The following CDC5L variants were observed in gnomAD, a reference collection of about 807,000 sequenced individuals.
The protein encoded by CDC5L is cell division cycle 5-like protein.
CDC5L carries 18 observed loss-of-function variants against 104.1 expected under a neutral mutation model. The ratio of observed to expected loss-of-function variants is 0.17; its 90% CI spans 0.12 to 0.26. The LOEUF (loss-of-function observed/expected upper bound fraction) is 0.26. Ranked by LOEUF, CDC5L falls within the 10% of genes least tolerant of loss-of-function variation. The pLI is 1.00. For missense variants in CDC5L, 673 were observed against 956.9 expected (o/e 0.70, Z 3.91); for synonymous variants, 331 against 322.7 (o/e 1.03, Z -0.28).
intron 8 of CDC5L, among the ~76,000 whole-genome samples, chr6:44,411,353 G>T (rs1357029027): frequency 1.3e-5 from 2 of 152,018 alleles, no homozygotes; most frequent in Non-Finnish European, 2.9e-5. Context: ...TTTTGCTTAG[G>T]TTAGTCATAT....
chr6:44,446,268 A>T (rs1407850168), intron 15 of CDC5L, among the ~76,000 whole-genome samples: 1 of 152,176 alleles, frequency 6.6e-6, no homozygotes, highest in Non-Finnish European at 1.5e-5. Flanking sequence ...TCAAATTCCT[A>T]TGACCAGGTT....
At chr6:44,403,391 A>C (rs1208135260) in intron 5 of CDC5L, among the ~76,000 whole-genome samples, 1 of 150,796 alleles carries the variant, frequency 6.6e-6, no homozygotes, top group African/African-American at 2.4e-5. Flanking sequence ...AGTTGCAAAT[A>C]TTTTTTCCTA....
intron 13 of CDC5L, among the ~76,000 whole-genome samples, chr6:44,428,250 T>C (rs547281151): frequency 6.6e-6 from 1 of 152,352 alleles, no homozygotes; most frequent in Admixed American, 6.5e-5. Flanking sequence ...TTGTTTCCAT[T>C]ATTTCCCTTA....
At chr6:44,438,197 C>G (rs1025589342) in intron 14 of CDC5L, among the ~76,000 whole-genome samples, 10 of 152,184 alleles carry the variant, frequency 6.6e-5, no homozygotes, top group African/African-American at 2.4e-4. Context: ...ATCCACCTGC[C>G]TTGGCCTCCC....
chr6:44,419,108 C>T (rs1162580932), intron 8 of CDC5L, among the ~76,000 whole-genome samples: 1 of 151,906 alleles, frequency 6.6e-6, no homozygotes, highest in Non-Finnish European at 1.5e-5. Flanking sequence ...CCTAGGTTTT[C>T]TTCTAGGGTT....
chr6:44,434,241 G>A (rs1301835560), intron 14 of CDC5L, among the ~76,000 whole-genome samples: 1 of 152,180 alleles, frequency 6.6e-6, no homozygotes, highest in Non-Finnish European at 1.5e-5. Context: ...GTATGCAGAT[G>A]TACAGTGCTC....
intron 8 of CDC5L, among the ~76,000 whole-genome samples, chr6:44,418,299 A>C (rs1263473518): frequency 3.3e-5 from 5 of 152,088 alleles, no homozygotes; most frequent in Non-Finnish European, 7.3e-5. Flanking sequence ...TTCCAATTTC[A>C]TCCATGTCCC....
Position 44,403,822 on chromosome 6 carries a change from C to G in CDC5L, c.553C>G (p.Leu185Val). Residue 185 changes from leucine to valine, a missense_variant, in exon 6 of 16, where the codon CTC becomes GTC. Physicochemically the swap from Leu to Val is conservative, Grantham distance 32. Coordinates refer to ENST00000371477, the MANE Select transcript of CDC5L (RefSeq NM_001253.4). The stretch of plus-strand genomic sequence containing the variant: ...CATTCTTTTCAGACGTCTTGCTGCC[C>G]TCCAAAAAAGAAGAGAACTTCGAGC... The part of the protein sequence containing the change: ...QLEEARRLAA[L>V]QKRRELRAAG... 1 of 1,606,320 alleles carries G rather than the reference C, an allele frequency of 6.2e-7. No individual in the cohort carries two copies. Among genetic ancestry groups the G allele is most frequent in the Non-Finnish European group, 8.5e-7 (1 of 1,177,934 alleles).
chr6:44,409,481 T>C (rs188863781), intron 8 of CDC5L, among the ~76,000 whole-genome samples: 1 of 152,370 alleles, frequency 6.6e-6, no homozygotes, highest in East Asian at 1.9e-4. Context: ...AATTACCTTA[T>C]AATTTGTGTA....
At chr6:44,416,293 A>G (rs1296310667) in intron 8 of CDC5L, among the ~76,000 whole-genome samples, 5 of 152,198 alleles carry the variant, frequency 3.3e-5, no homozygotes, top group African/African-American at 7.2e-5. Flanking sequence ...GGAGTGAGTC[A>G]TAGCTTACAG....
chr6:44,427,589 A>G (rs1367715107), intron 13 of CDC5L, among the ~76,000 whole-genome samples: 1 of 152,198 alleles, frequency 6.6e-6, no homozygotes, highest in African/African-American at 2.4e-5. Context: ...ATTATTTATT[A>G]TAGGATTTTT....
At chr6:44,401,595 G>A (rs1791127830) in intron 5 of CDC5L, among the ~76,000 whole-genome samples, 1 of 152,004 alleles carries the variant, frequency 6.6e-6, no homozygotes, top group African/African-American at 2.4e-5. Flanking sequence ...GAGCTGGGGG[G>A]AAGGAGGGAG....
chr6:44,421,473 C>T (rs1792168410), intron 9 of CDC5L, among the ~76,000 whole-genome samples: 1 of 152,216 alleles, frequency 6.6e-6, no homozygotes, highest in South Asian at 2.1e-4. Context: ...GGCTATTACA[C>T]ATATCATGAC....
In CDC5L at chr6:44,445,748, A is replaced by T; in HGVS notation, c.2185A>T (p.Met729Leu). 6.2e-7 allele frequency: 1 copy of T among 1,614,106 alleles called. No individual in the cohort carries two copies. Residue 729 changes from methionine to leucine, a missense_variant, in exon 15 of 16, where the codon ATG becomes TTG. Physicochemically the swap from Met to Leu is conservative, Grantham distance 15. Around this residue, in one of 4 missense-constraint regions of CDC5L, gnomAD observed 578 missense variants for 737.0 expected, o/e 0.78. Coordinates refer to ENST00000371477, the MANE Select transcript of CDC5L (RefSeq NM_001253.4). ...ILLGGYQSRAMGLMKQLNDLW... is the reference protein window; with the variant it reads ...ILLGGYQSRALGLMKQLNDLW... ...GCTTGGGGGTTACCAGTCTCGTGCT[A>T]TGGGGCTCATGAAACAGTTGAATGA...
In CDC5L at chr6:44,387,923, C is replaced by T. The variant is rs981525522; in HGVS notation, c.45+55C>T. 4.6e-6 allele frequency: 7 copies of T among 1,526,358 alleles called. No individual in the cohort carries two copies. In the East Asian group the frequency reaches 1.3e-4, roughly 27 times the overall value. The allele number at this position is 1,526,358 out of a possible 1,614,324, so 94.6% of individuals were successfully genotyped here. The stretch of plus-strand genomic sequence containing the variant: ...CCGCCGCTCCCTCTAGCAGCTTGTG[C>T]GCACGCGCGCGGAGGTCGGGGGGGC... On this transcript the variant is annotated intron_variant, in intron 1 of 15. Coordinates refer to ENST00000371477, the MANE Select transcript of CDC5L (RefSeq NM_001253.4).
chr6:44,425,725 C>T (rs1474100365), intron 11 of CDC5L, among the ~76,000 whole-genome samples: 1 of 151,990 alleles, frequency 6.6e-6, no homozygotes, highest in Admixed American at 6.6e-5. Context: ...AATCAGGAAA[C>T]AATACATTTT....
At chr6:44,394,283 A>G (rs1044900940) in intron 4 of CDC5L, among the ~76,000 whole-genome samples, 1 of 152,124 alleles carries the variant, frequency 6.6e-6, no homozygotes, top group Non-Finnish European at 1.5e-5. Flanking sequence ...GAGTAGTGTA[A>G]TTCTACTGAG....
At chr6:44,402,187 G>A (rs1581645554) in intron 5 of CDC5L, among the ~76,000 whole-genome samples, 1 of 145,210 alleles carries the variant, frequency 6.9e-6, no homozygotes, top group Non-Finnish European at 1.5e-5. Context: ...GGATGGCTGG[G>A]TCAAATGGTA....
intron 11 of CDC5L, 151 bp from the exon 12 acceptor site, chr6:44,425,952 G>C (rs372596703): frequency 3.9e-6 from 2 of 516,676 alleles, no homozygotes. Flanking sequence ...CATTTCTGTT[G>C]CCTTAGCATT....
Sources: allele counts gnomAD v4.1 joint callset (sites outside exome capture counted in the v4.1 genomes callset), GRCh38; gene constraint gnomAD v4.1.1; regional missense constraint gnomAD v4.1.1; transcripts MANE v1.5; gene names NCBI Gene and HGNC (gene_info 2026-07-23, HGNC 2026-07-21).